Variants in A1CF observed in about 807,000 individuals in gnomAD.
The protein encoded by A1CF is APOBEC-1 stimulating protein.
A1CF carries 48 observed loss-of-function variants against 68.9 expected under a neutral mutation model. The observed-to-expected ratio is 0.70, with a 90% CI of 0.55 to 0.89. The LOEUF is 0.89. Ranked by LOEUF, A1CF falls within the 40% of genes least tolerant of loss-of-function variation. The pLI, the probability that A1CF is intolerant of heterozygous loss-of-function variation, is 0.00. For missense variants in A1CF, 653 were observed against 718.9 expected (o/e 0.91, Z 1.05); for synonymous variants, 272 against 260.4 (o/e 1.04, Z -0.43).
At chr10:50,869,428 A>G (rs563869288) in intron 1 of A1CF, among the ~76,000 whole-genome samples, 2 of 152,142 alleles carry the variant, frequency 1.3e-5, no homozygotes, top group Non-Finnish European at 2.9e-5. Context: ...AATGCAGAGA[A>G]AAATTCAATT....
At chr10:50,842,082 C>T in intron 4 of A1CF, 90 bp from the exon 5 acceptor site, 1 of 1,196,326 alleles carries the variant, frequency 8.4e-7, no homozygotes, top group Non-Finnish European at 1.2e-6. Context: ...CAAACACACA[C>T]ACACACAATG....
rs1428497110 is a variant in A1CF, at chr10:50,802,654, TG to T, written c.*4074del. On this transcript the variant is annotated 3_prime_UTR_variant, in exon 13 of 13. Coordinates refer to ENST00000373997, the MANE Select transcript of A1CF (RefSeq NM_014576.4). ...AATATTGAGCACATAGTTCATTTTT[TG>T]TTGTAAGTTACTTTTAGGAAATCTT... 6.7e-6 allele frequency: 1 copy of T among 148,922 alleles called. No homozygotes were observed. The highest frequency in any genetic ancestry group is 1.5e-5 in the Non-Finnish European group (1 of 66,822). 9.2% of individuals were successfully genotyped at this position (148,922 alleles called of 1,614,324 possible).
intron 1 of A1CF, among the ~76,000 whole-genome samples, chr10:50,866,221 C>T (rs1187900974): frequency 1.3e-5 from 2 of 151,986 alleles, no homozygotes; most frequent in Non-Finnish European, 2.9e-5. Flanking sequence ...GTGAGAGAGA[C>T]AAGAAAAGTA....
intron 1 of A1CF, among the ~76,000 whole-genome samples, chr10:50,874,475 A>G (rs948979891): frequency 5.3e-5 from 8 of 152,222 alleles, no homozygotes; most frequent in Non-Finnish European, 1.2e-4. Flanking sequence ...ATTTAACTTG[A>G]ACTATAAATG....
chr10:50,860,362 T>G (rs1840687919), intron 2 of A1CF, among the ~76,000 whole-genome samples: 3 of 152,242 alleles, frequency 2.0e-5, no homozygotes, highest in Non-Finnish European at 4.4e-5. Flanking sequence ...TCGCTCATTC[T>G]AACCACTAAG....
At chr10:50,833,359 GCT>G (rs1467437655) in intron 6 of A1CF, among the ~76,000 whole-genome samples, 1 of 152,212 alleles carries the variant, frequency 6.6e-6, no homozygotes, top group Non-Finnish European at 1.5e-5. Flanking sequence ...TCCAGGTGAT[GCT>G]GATGCAGCCT....
Position 50,836,189 on chromosome 10 carries a change from A to G in A1CF, c.489T>C (p.Val163=). The G allele has an allele frequency of 1.2e-6, 2 of 1,614,002 alleles. No homozygotes were observed. Among genetic ancestry groups the G allele is most frequent in the Non-Finnish European group, 1.7e-6 (2 of 1,179,896 alleles). Residue 163 remains valine, a synonymous_variant, in exon 6 of 13, where the codon GTT becomes GTC. Transcript: ENST00000373997. ...CGCTTGGGTAGACGATGACATCGAC[A>G]ACACCTTCAGTAACCTTTTTCATCT... The part of the protein sequence containing the change: ...LSEMKKVTEG[V]VDVIVYPSAA...
intron 1 of A1CF, among the ~76,000 whole-genome samples, chr10:50,882,473 C>G (rs549191275): frequency 6.6e-6 from 1 of 151,980 alleles, no homozygotes; most frequent in Non-Finnish European, 1.5e-5. Flanking sequence ...AACTGATAAC[C>G]TAGTTGGAGT....
intron 8 of A1CF, among the ~76,000 whole-genome samples, chr10:50,818,920 T>G (rs1376108590): frequency 1.3e-5 from 2 of 152,136 alleles, no homozygotes; most frequent in African/African-American, 4.8e-5. Context: ...AGCTCCAGCC[T>G]GCTCTCTGCT....
At chr10:50,831,068 T>A (rs1385161320) in intron 6 of A1CF, among the ~76,000 whole-genome samples, 1 of 152,092 alleles carries the variant, frequency 6.6e-6, no homozygotes, top group Non-Finnish European at 1.5e-5. Flanking sequence ...TGCAAAAGAA[T>A]GAGATGGGAC....
At position 50,806,745 on chromosome 10, in the gene A1CF, C is replaced by G. The variant is rs1451175080; in HGVS notation, c.1745G>C (p.Gly582Ala). The change falls in exon 13 of 13, where the codon GGA becomes GCA. Residue 582 changes from glycine (G) to alanine (A), a missense_variant. Transcript: ENST00000373997. ...AAAGCATCTTCAGAAGGTGCCATAT[C>G]CATCCCCTCGGGCAGTCACTGCAAA... Reference protein sequence around the residue: ...PTFAVTARGDGYGTF With the variant: ...PTFAVTARGDAYGTF 1.9e-6 allele frequency: 3 copies of G among 1,604,938 alleles called. No individual in the cohort carries two copies. The highest frequency in any genetic ancestry group is 2.5e-6 in the Non-Finnish European group (3 of 1,176,514).
At chr10:50,870,489 C>T (rs1250654560) in intron 1 of A1CF, among the ~76,000 whole-genome samples, 2 of 151,704 alleles carry the variant, frequency 1.3e-5, no homozygotes, top group Non-Finnish European at 3.0e-5. Context: ...GATTCATAGA[C>T]TTTTAAAAAA....
At chr10:50,824,892 T>C (rs150258153) in intron 7 of A1CF, among the ~76,000 whole-genome samples, 282 of 152,268 alleles carry the variant, frequency 1.9e-3, no homozygotes, top group Non-Finnish European at 3.1e-3. Flanking sequence ...TTGTGATGAA[T>C]AAATGACACA....
intron 3 of A1CF, among the ~76,000 whole-genome samples, chr10:50,855,283 A>C (rs1226162309): frequency 6.6e-6 from 1 of 151,936 alleles, no homozygotes; most frequent in African/African-American, 2.4e-5. Context: ...GAAATCAGGA[A>C]GTACAGTTAA....
At chr10:50,872,977 A>G (rs1307785933) in intron 1 of A1CF, among the ~76,000 whole-genome samples, 1 of 97,650 alleles carries the variant, frequency 1.0e-5, no homozygotes, top group Non-Finnish European at 1.9e-5. Flanking sequence ...TTTTTTTGAG[A>G]CAGAATCTCG....
At chr10:50,845,831 G>A (rs1195222638) in intron 3 of A1CF, among the ~76,000 whole-genome samples, 2 of 151,838 alleles carry the variant, frequency 1.3e-5, no homozygotes, top group Non-Finnish European at 2.9e-5. Flanking sequence ...GCACATGCCT[G>A]TAATTCCAGC....
chr10:50,860,933 TG>T (rs1459994671), intron 2 of A1CF, among the ~76,000 whole-genome samples: 7 of 152,210 alleles, frequency 4.6e-5, no homozygotes, highest in Admixed American at 3.9e-4. Context: ...GGTTCTTTGC[TG>T]GGTTTTCACC....
chr10:50,837,015 T>C lies in A1CF; in HGVS notation c.366-703A>G, dbSNP rs76121235. Among the ~76,000 whole-genome samples, 590 of 152,248 alleles carry C rather than the reference T, an allele frequency of 3.9e-3. 2 individuals are homozygous for C. Among genetic ancestry groups the C allele is most frequent in the African/African-American group, 0.012 (488 of 41,566 alleles). ...GTTACTGAAGCCACCTGCCTGGCCC[T>C]GCAGTCGCTTGAGTTTGCAACACCT... On this transcript the variant is annotated intron_variant, in intron 5 of 12. Coordinates refer to ENST00000373997, the MANE Select transcript of A1CF (RefSeq NM_014576.4).
chr10:50,827,204 G>A (rs1838988676), intron 7 of A1CF, among the ~76,000 whole-genome samples: 2 of 152,126 alleles, frequency 1.3e-5, no homozygotes, highest in South Asian at 2.1e-4. Flanking sequence ...ACACCCCACT[G>A]TCAACATTAG....
Sources: gnomAD v4.1 joint callset for allele counts (sites outside exome capture counted in the v4.1 genomes callset) on GRCh38, gnomAD v4.1.1 for gene constraint, MANE v1.5 for transcripts, NCBI Gene and HGNC (gene_info 2026-07-23, HGNC 2026-07-21) for gene names.